Variants in SSX2IP observed in about 807,000 individuals in gnomAD.
SSX2IP encodes the protein afadin- and alpha-actinin-binding protein.
A neutral mutation model predicts 84.9 loss-of-function variants in SSX2IP; 55 were observed. That is an observed-to-expected ratio of 0.65 (90% confidence interval 0.52 to 0.81). SSX2IP has a LOEUF of 0.81. Among genes scored for constraint, SSX2IP ranks in the 30% least tolerant of loss-of-function variants. The pLI, the probability that SSX2IP is intolerant of heterozygous loss-of-function variation, is 0.00. For missense variants in SSX2IP, 664 were observed against 705.2 expected (o/e 0.94, Z 0.66); for synonymous variants, 239 against 234.7 (o/e 1.02, Z -0.17).
rs778988859 is a variant in SSX2IP at position 84,650,399 on chromosome 1, C to A, written c.1633G>T (p.Asp545Tyr). The change falls in exon 13 of 14, where the codon GAC (aspartate) becomes TAC (tyrosine). Residue 545 changes from aspartate (D) to tyrosine (Y), a missense_variant. Asp to Tyr is a radical substitution (Grantham distance 160, BLOSUM62 -3). Coordinates refer to ENST00000342203, the MANE Select transcript of SSX2IP (RefSeq NM_001166293.2). ...ATGCAGGAACGTGTCTGGCAAAAGT[C>A]TGAAGTGGAAGGTGAAGCAGGAAGA... is the stretch of plus-strand genomic sequence containing the variant. ...KSLPASPSTS[D>Y]FCQTRSCISE... 9.9e-6 allele frequency: 16 copies of A among 1,614,170 alleles called. No individual in the cohort carries two copies. The Admixed American group carries it at 2.7e-4, about 27-fold the overall frequency.
At position 84,646,530 on chromosome 1, in the gene SSX2IP, C is replaced by T. The variant is rs1312724372; in HGVS notation, c.*903G>A. On this transcript the variant is annotated 3_prime_UTR_variant, in exon 14 of 14. Transcript: ENST00000342203. ...ACCCATCTTGTAAGGAAAATATCAC[C>T]ATCTAGATATCTTAAATATCTTCTA... 1.3e-5 allele frequency: 2 copies of T among 152,466 alleles called. No homozygotes were observed. Among genetic ancestry groups the T allele is most frequent in the Non-Finnish European group, 2.9e-5 (2 of 68,000 alleles). The allele number at this position is 152,466 out of a possible 1,614,324, so 9.4% of individuals were successfully genotyped here.
Position 84,669,879 on chromosome 1 carries a change from A to G in SSX2IP, c.228T>C (p.Phe76=). 6.2e-7 allele frequency: 1 copy of G among 1,612,728 alleles called. No homozygotes were observed. Among genetic ancestry groups the G allele is most frequent in the Non-Finnish European group, 8.5e-7 (1 of 1,179,262 alleles). The change falls in exon 4 of 14, where the codon TTT becomes TTC. Residue 76 remains phenylalanine (F), a synonymous_variant. Coordinates refer to ENST00000342203, the MANE Select transcript of SSX2IP (RefSeq NM_001166293.2). The part of the protein sequence containing the change: ...ISYLDQELTT[F]GFPSLYEESK... Reference sequence around the variant, plus strand: ...ATTCTTCATATAATGAAGGAAAACCAAAAGTAGTCAATTCCTGGTAGGAGA... The same window carrying G: ...ATTCTTCATATAATGAAGGAAAACCGAAAGTAGTCAATTCCTGGTAGGAGA...
Position 84,662,361 on chromosome 1 carries a change from A to G in SSX2IP, c.764T>C (p.Met255Thr). The G allele has an allele frequency of 6.2e-7, 1 of 1,607,254 alleles. No homozygotes were observed. The highest frequency in any genetic ancestry group is 8.5e-7 in the Non-Finnish European group (1 of 1,177,730). The part of the protein sequence containing the change: ...GKTEARNEDE[M>T]YKILLNDYEY... ...ATAATCATTCAAGAGAATTTTATAC[A>G]TTTCATCTTCATTCCTGAGAAAGAA... Residue 255 changes from methionine to threonine, a missense_variant, in exon 8 of 14, where the codon ATG (methionine) becomes ACG (threonine). Transcript: ENST00000342203.
chr1:84,665,287 C>G (rs1652620403), intron 5 of SSX2IP, among the ~76,000 whole-genome samples: 1 of 152,146 alleles, frequency 6.6e-6, no homozygotes, highest in African/African-American at 2.4e-5. Flanking sequence ...GAAACACGTA[C>G]AAGCAACCTT....
At chr1:84,663,386 A>C (rs188968305) in intron 6 of SSX2IP, among the ~76,000 whole-genome samples, 158 of 152,228 alleles carry the variant, frequency 1.0e-3, no homozygotes, top group Middle Eastern at 3.4e-3. Flanking sequence ...CCTGCTTTTT[A>C]ATTTTTTTCC....
chr1:84,682,454 C>G (rs1655207833), intron 1 of SSX2IP, among the ~76,000 whole-genome samples: 1 of 151,498 alleles, frequency 6.6e-6, no homozygotes, highest in Non-Finnish European at 1.5e-5. Context: ...CTCATAGGAC[C>G]CAATATGGAA....
intron 4 of SSX2IP, among the ~76,000 whole-genome samples, chr1:84,669,217 T>C (rs1000036554): frequency 2.0e-5 from 3 of 152,072 alleles, no homozygotes; most frequent in South Asian, 2.1e-4. Flanking sequence ...CATTTTTCTA[T>C]AGTCTTTTCC....
At chr1:84,655,788 C>G in intron 11 of SSX2IP, 44 bp downstream of exon 11, 1 of 1,588,872 alleles carries the variant, frequency 6.3e-7, no homozygotes, top group Non-Finnish European at 8.6e-7. Context: ...CTGAGGCCCA[C>G]CCACCCCCAG....
At chr1:84,649,703 C>G in intron 13 of SSX2IP, 1 of 307,048 alleles carries the variant, frequency 3.3e-6, no homozygotes, top group South Asian at 3.0e-5. Flanking sequence ...CTCTGTCTTA[C>G]TAGGAATGTT....
intron 11 of SSX2IP, among the ~76,000 whole-genome samples, chr1:84,653,818 TA>T (rs1557471061): frequency 2.0e-5 from 3 of 152,144 alleles, no homozygotes; most frequent in Non-Finnish European, 4.4e-5. Context: ...TGACCATGGA[TA>T]AGAGATAATT....
At chr1:84,660,895 CAAAAAAAAA>C (rs11362631) in intron 8 of SSX2IP, among the ~76,000 whole-genome samples, 1 of 98,050 alleles carries the variant, frequency 1.0e-5, no homozygotes, top group African/African-American at 4.2e-5. Flanking sequence ...TACTAAAATA[CAAAAAAAAA>C]AAAAAAAAAA....
intron 1 of SSX2IP, among the ~76,000 whole-genome samples, chr1:84,688,532 A>T (rs1656114933): frequency 6.6e-6 from 1 of 152,178 alleles, no homozygotes; most frequent in East Asian, 1.9e-4. Context: ...CATAAAAGGC[A>T]CTCAAACGCC....
Position 84,644,438 on chromosome 1 carries a change from TTAA to T in SSX2IP, c.*2992_*2994del, listed in dbSNP as rs543287511. Reference sequence around the variant, plus strand: ...GTAAGCCTTGACATACAGCAGGTACTTAATAAATGCTTACCAAAAGACTGAAAA... The same window carrying T: ...GTAAGCCTTGACATACAGCAGGTACTTAAATGCTTACCAAAAGACTGAAAA... On this transcript the variant is annotated 3_prime_UTR_variant, in exon 14 of 14. Transcript: ENST00000342203. 1.3e-5 allele frequency: 2 copies of T among 152,200 alleles called. No homozygotes were observed. The highest frequency in any genetic ancestry group is 2.9e-5 in the Non-Finnish European group (2 of 68,022). 9.4% of individuals were successfully genotyped at this position (152,200 alleles called of 1,614,324 possible).
chr1:84,667,088 A>G (rs909559660), intron 4 of SSX2IP, among the ~76,000 whole-genome samples: 1 of 152,070 alleles, frequency 6.6e-6, no homozygotes, highest in African/African-American at 2.4e-5. Flanking sequence ...ACTTACTACT[A>G]GGGTAGATCA....
chr1:84,665,012 A>G (rs1369247814), intron 5 of SSX2IP, among the ~76,000 whole-genome samples: 1 of 152,150 alleles, frequency 6.6e-6, no homozygotes, highest in African/African-American at 2.4e-5. Flanking sequence ...ACAATTCTCG[A>G]GTAAGAGTAA....
At chr1:84,684,756 T>C (rs1053706542) in intron 1 of SSX2IP, among the ~76,000 whole-genome samples, 3 of 152,040 alleles carry the variant, frequency 2.0e-5, no homozygotes, top group African/African-American at 7.2e-5. Context: ...AATTATGCCA[T>C]ATGCACAAAA....
In SSX2IP at chr1:84,662,303, A is replaced by G. The variant is rs1411064082; in HGVS notation, c.822T>C (p.Asn274=). The change falls in exon 8 of 14, where the codon AAT becomes AAC. Residue 274 remains asparagine (N), a synonymous_variant. Transcript: ENST00000342203. ...EYRQKQILME[N]AELKKVLQQM... ...GTTGAAGAACCTTCTTAAGTTCTGCATTTTCCATTAGGATTTGTTTCTGAC... is the reference window on the plus strand; with the variant it reads ...GTTGAAGAACCTTCTTAAGTTCTGCGTTTTCCATTAGGATTTGTTTCTGAC... 6 of 1,609,678 alleles carry G rather than the reference A, an allele frequency of 3.7e-6. No homozygotes were observed. The African/African-American group carries it at 8.0e-5, about 22-fold the overall frequency.
intron 1 of SSX2IP, among the ~76,000 whole-genome samples, chr1:84,676,719 C>T (rs1218108757): frequency 1.6e-4 from 16 of 99,490 alleles, no homozygotes; most frequent in East Asian, 6.9e-4. Flanking sequence ...TGCTCTTTTC[C>T]TTTTTTTTTT....
intron 1 of SSX2IP, among the ~76,000 whole-genome samples, chr1:84,687,052 A>C (rs1385527315): frequency 2.0e-5 from 3 of 152,302 alleles, no homozygotes; most frequent in Non-Finnish European, 4.4e-5. Context: ...TCAAGTAGAA[A>C]TATTAAGTGC....
Sources: allele counts gnomAD v4.1 joint callset (sites outside exome capture counted in the v4.1 genomes callset), GRCh38; gene constraint gnomAD v4.1.1; transcripts MANE v1.5; gene names NCBI Gene and HGNC (gene_info 2026-07-23, HGNC 2026-07-21).